Variants in KIAA1549L observed in about 807,000 individuals in gnomAD.
KIAA1549L encodes UPF0606 protein KIAA1549L.
Under a neutral mutation model 160.7 loss-of-function variants are expected in KIAA1549L, and 88 were observed. The ratio of observed to expected loss-of-function variants is 0.55; its 90% CI spans 0.46 to 0.65. The LOEUF is 0.65. Ranked by LOEUF, KIAA1549L falls within the 30% of genes least tolerant of loss-of-function variation. The pLI is 0.00. For missense variants in KIAA1549L, 2,258 were observed against 2,437.5 expected, an observed-to-expected ratio of 0.93 and a Z score of 1.55; for synonymous variants, 950 against 976.7, an observed-to-expected ratio of 0.97 and a Z score of 0.51.
chr11:33,514,256 A>G (rs1417842527), intron 1 of KIAA1549L, among the ~76,000 whole-genome samples: 1 of 152,258 alleles, frequency 6.6e-6, no homozygotes, highest in Non-Finnish European at 1.5e-5. Context: ...ACTCAACAAA[A>G]CTAAGTAGTA....
At chr11:33,447,052 A>G (rs560604079) in intron 1 of KIAA1549L, among the ~76,000 whole-genome samples, 2 of 152,328 alleles carry the variant, frequency 1.3e-5, no homozygotes, top group South Asian at 4.1e-4. Flanking sequence ...GCCATGATGG[A>G]GATTTACCAC....
chr11:33,530,287 C>T (rs957564495), intron 1 of KIAA1549L, among the ~76,000 whole-genome samples: 8 of 150,038 alleles, frequency 5.3e-5, no homozygotes, highest in Non-Finnish European at 7.4e-5. Context: ...CTGTAGTCCC[C>T]GCTACTCAGG....
chr11:33,665,375 C>T (rs906758559), intron 20 of KIAA1549L: 1 of 152,108 alleles, frequency 6.6e-6, no homozygotes, highest in Non-Finnish European at 1.5e-5. Context: ...ACTGCTCATT[C>T]CACTGTCTGC....
chr11:33,510,010 A>G (rs899614619), intron 1 of KIAA1549L, among the ~76,000 whole-genome samples: 1 of 152,048 alleles, frequency 6.6e-6, no homozygotes, highest in Non-Finnish European at 1.5e-5. Context: ...GTTTTGAGGG[A>G]GGCTTTGGAA....
At chr11:33,486,859 C>T (rs1268116978) in intron 1 of KIAA1549L, among the ~76,000 whole-genome samples, 1 of 152,184 alleles carries the variant, frequency 6.6e-6, no homozygotes, top group African/African-American at 2.4e-5. Flanking sequence ...AGCAGGTATT[C>T]TCAGCGTTGT....
intron 1 of KIAA1549L, among the ~76,000 whole-genome samples, chr11:33,411,806 C>T (rs1850790491): frequency 6.6e-6 from 1 of 152,140 alleles, no homozygotes; most frequent in Non-Finnish European, 1.5e-5. Flanking sequence ...AGGCACAGTT[C>T]TTATTTCAAG....
chr11:33,396,247 T>C (rs751350272), intron 1 of KIAA1549L, among the ~76,000 whole-genome samples: 8 of 152,158 alleles, frequency 5.3e-5, no homozygotes, highest in Non-Finnish European at 1.0e-4. Context: ...TTTCCCTTAA[T>C]TGAAGGGGGC....
chr11:33,657,860 T>G (rs1223750812), intron 18 of KIAA1549L, among the ~76,000 whole-genome samples: 1 of 152,192 alleles, frequency 6.6e-6, no homozygotes, highest in African/African-American at 2.4e-5. Flanking sequence ...GCCTCCCATG[T>G]TCTCCCTTGC....
chr11:33,649,838 G>C (rs1230544692), intron 17 of KIAA1549L, among the ~76,000 whole-genome samples: 1 of 136,738 alleles, frequency 7.3e-6, no homozygotes, highest in African/African-American at 2.9e-5. Context: ...GCTGGCCTGG[G>C]CAACACAGCA....
chr11:33,508,534 C>T (rs1208224268), intron 1 of KIAA1549L, among the ~76,000 whole-genome samples: 1 of 152,182 alleles, frequency 6.6e-6, no homozygotes, highest in Non-Finnish European at 1.5e-5. Context: ...AGAAAAATTA[C>T]ACCTGCGTGT....
At chr11:33,611,044 G>A (rs896873847) in intron 15 of KIAA1549L, among the ~76,000 whole-genome samples, 11 of 152,314 alleles carry the variant, frequency 7.2e-5, no homozygotes, top group South Asian at 4.1e-4. Flanking sequence ...GGTTTGGAGG[G>A]GAAAAACATT....
intron 6 of KIAA1549L, among the ~76,000 whole-genome samples, chr11:33,555,010 A>G (rs1048694132): frequency 6.6e-5 from 10 of 152,204 alleles, no homozygotes; most frequent in Non-Finnish European, 1.0e-4. Flanking sequence ...GGGACAGGGC[A>G]TGAATTTCAG....
chr11:33,564,909 G>A (rs1854995945), intron 8 of KIAA1549L, among the ~76,000 whole-genome samples: 1 of 152,220 alleles, frequency 6.6e-6, no homozygotes, highest in African/African-American at 2.4e-5. Flanking sequence ...CTGATCACTT[G>A]AATTGTAGAG....
At chr11:33,416,355 T>C (rs1232697329) in intron 1 of KIAA1549L, among the ~76,000 whole-genome samples, 1 of 152,178 alleles carries the variant, frequency 6.6e-6, no homozygotes, top group Non-Finnish European at 1.5e-5. Flanking sequence ...CCCGAACAGC[T>C]CTTCTTTGAG....
At chr11:33,573,030 C>G (rs529799695) in intron 9 of KIAA1549L, among the ~76,000 whole-genome samples, 1 of 152,294 alleles carries the variant, frequency 6.6e-6, no homozygotes, top group Non-Finnish European at 1.5e-5. Context: ...TTTGAATTTC[C>G]CCATTGAGCA....
At chr11:33,594,010 A>C (rs1449772207) in intron 12 of KIAA1549L, among the ~76,000 whole-genome samples, 1 of 152,178 alleles carries the variant, frequency 6.6e-6, no homozygotes, top group Non-Finnish European at 1.5e-5. Flanking sequence ...ATCAACAAAG[A>C]AAAAGGAATA....
chr11:33,604,755 G>T (rs1850453339), intron 13 of KIAA1549L, among the ~76,000 whole-genome samples: 1 of 152,116 alleles, frequency 6.6e-6, no homozygotes, highest in Non-Finnish European at 1.5e-5. Context: ...AAGCTATGAG[G>T]ACACAAAGAC....
intron 8 of KIAA1549L, 146 bp downstream of exon 8, chr11:33,561,881 G>C (rs570680470): frequency 1.6e-6 from 1 of 636,590 alleles, no homozygotes; most frequent in South Asian, 1.9e-5. Flanking sequence ...GACCAGAAGT[G>C]AATGGGGTAA....
In KIAA1549L at chr11:33,574,717, C is replaced by T. The variant is rs1855385430; in HGVS notation, c.4246C>T (p.Arg1416Cys). ...SYTVQMVKMQ[R>C]VPGPKDPAEL... is the part of the protein sequence containing the mutation. ...TTTCCGAAAGATGGTGAAGATGCAG[C>T]GTGTCCCAGGCCCGAAGGACCCAGC... Residue 1416 changes from arginine (R) to cysteine (C), a missense_variant, in exon 10 of 21, where the codon CGT becomes TGT. Coordinates refer to ENST00000658780, the MANE Select transcript of KIAA1549L (RefSeq NM_012194.3). The T allele has an allele frequency of 1.2e-6, 2 of 1,610,664 alleles. No individual in the cohort carries two copies. The highest frequency in any genetic ancestry group is 1.7e-6 in the Non-Finnish European group (2 of 1,177,892).
Sources: allele counts gnomAD v4.1 joint callset (sites outside exome capture counted in the v4.1 genomes callset), GRCh38; gene constraint gnomAD v4.1.1; transcripts MANE v1.5; gene names NCBI Gene and HGNC (gene_info 2026-07-23, HGNC 2026-07-21).